NSD2: variants seen among roughly 807,000 people sequenced by gnomAD.
NSD2 encodes the protein nuclear receptor binding SET domain protein 2, also known as histone-lysine N-methyltransferase NSD2.
In NSD2, 12 loss-of-function variants were observed where a neutral mutation model predicts 139.0. The ratio of observed to expected loss-of-function variants is 0.09; its 90% CI spans 0.06 to 0.14. NSD2 has a LOEUF of 0.14. Among genes scored for constraint, NSD2 ranks in the 10% least tolerant of loss-of-function variants. The probability of loss-of-function intolerance (pLI) is 1.00; values close to 1 mark genes in which losing one functional copy is unlikely to be tolerated. For missense variants in NSD2, 1,155 were observed against 1,745.0 expected (o/e 0.66, Z 6.02); for synonymous variants, 669 against 648.7 (o/e 1.03, Z -0.48).
intron 1 of NSD2, among the ~76,000 whole-genome samples, chr4:1,889,100 T>C (rs1374526374): frequency 6.7e-6 from 1 of 148,700 alleles, no homozygotes; most frequent in Non-Finnish European, 1.5e-5. Flanking sequence ...GTTTCGCCAT[T>C]TTGGCCAGGC....
Position 1,979,502 on chromosome 4 carries a change from G to T in NSD2, c.*593G>T, listed in dbSNP as rs73202837. On this transcript the variant is annotated 3_prime_UTR_variant, in exon 22 of 22. Transcript: ENST00000508803. ...TCTTTTCCATCCTAGTGAGAAGCTG[G>T]CCCTGCAGGTGGTGGCAGCAATGGT... 13,810 of 233,118 alleles carry T rather than the reference G, an allele frequency of 0.059. 463 individuals are homozygous for T. The highest frequency in any genetic ancestry group is 0.099 in the Middle Eastern group (78 of 786). 14.4% of individuals were successfully genotyped at this position (233,118 alleles called of 1,614,324 possible).
chr4:1,882,272 C>T (rs368545003), intron 1 of NSD2, among the ~76,000 whole-genome samples: 2 of 152,146 alleles, frequency 1.3e-5, no homozygotes, highest in South Asian at 2.1e-4. Context: ...GAAAGTGACA[C>T]GTAACTTCTG....
At chr4:1,895,290 G>A (rs1299381470) in intron 1 of NSD2, among the ~76,000 whole-genome samples, 1 of 152,130 alleles carries the variant, frequency 6.6e-6, no homozygotes, top group Non-Finnish European at 1.5e-5. Context: ...TAGACAGACT[G>A]TTTTTCACCC....
intron 1 of NSD2, among the ~76,000 whole-genome samples, chr4:1,876,769 A>G (rs1714293286): frequency 6.6e-6 from 1 of 152,094 alleles, no homozygotes; most frequent in Non-Finnish European, 1.5e-5. Flanking sequence ...TTTTTCTGGA[A>G]GGAATTGGAA....
At chr4:1,894,911 T>C (rs1039166484) in intron 1 of NSD2, among the ~76,000 whole-genome samples, 5 of 152,176 alleles carry the variant, frequency 3.3e-5, no homozygotes, top group African/African-American at 1.2e-4. Flanking sequence ...CTTCTCAAAC[T>C]GAAACTCTGT....
rs538971797 is a variant in NSD2, at chr4:1,898,439, C to T, written c.-29-2187C>T. On this transcript the variant is annotated intron_variant, in intron 1 of 21. Transcript: ENST00000508803. ...CAGCACTTTGGGAGGCCAAGGCGGG[C>T]GGATCACGAAGTCAGGAGATCGAGA... is the stretch of plus-strand genomic sequence containing the variant. Among the ~76,000 whole-genome samples the T allele has an allele frequency of 7.2e-5, 11 of 152,166 alleles. No individual in the cohort carries two copies. The South Asian group carries it at 8.3e-4, about 11-fold the overall frequency.
intron 3 of NSD2, among the ~76,000 whole-genome samples, chr4:1,911,163 A>C (rs1005509383): frequency 1.1e-4 from 17 of 152,184 alleles, no homozygotes; most frequent in African/African-American, 4.1e-4. Context: ...TGATGGGGAA[A>C]AAAGGAACAC....
chr4:1,891,901 G>T (rs9999954), intron 1 of NSD2, among the ~76,000 whole-genome samples: 1 of 148,366 alleles, frequency 6.7e-6, no homozygotes, highest in South Asian at 2.2e-4. Context: ...ACGAAAAAAC[G>T]AAAAACCTCA....
rs1721211076 is a variant in NSD2 at position 1,928,383 on chromosome 4, T to A, written c.1411-2243T>A. Among the ~76,000 whole-genome samples, 4 of 152,210 alleles carry A rather than the reference T, an allele frequency of 2.6e-5. No homozygotes were observed. In the South Asian group the frequency reaches 6.2e-4, roughly 24 times the overall value. On this transcript the variant is annotated intron_variant, in intron 5 of 21. Transcript: ENST00000508803. ...TAACCTGAGCTTAAAAGTTGTAAGG[T>A]TTCAGTGAGATGATGCAGTCAGGAA...
intron 10 of NSD2, 93 bp from the exon 11 acceptor site, chr4:1,952,015 G>A (rs1724316944): frequency 2.0e-6 from 3 of 1,525,846 alleles, no homozygotes; most frequent in Middle Eastern, 1.8e-4. Context: ...GGGATTTTCT[G>A]CCACTGGAGA....
Position 1,955,908 on chromosome 4 carries a change from C to G in NSD2, c.2675+59C>G. On this transcript the variant is annotated intron_variant, in intron 14 of 21. Transcript: ENST00000508803. This position sits in a 1 kb window ranked among gnomAD's most constrained non-coding sequence, Gnocchi z 4.7. ...TTTCTGTTCACATGTGTTCGCTTTA[C>G]AGTACTTAAAGTATTGAAATTATTA... 2.5e-6 allele frequency: 4 copies of G among 1,610,028 alleles called. No homozygotes were observed. Among genetic ancestry groups the G allele is most frequent in the Middle Eastern group, 1.7e-4 (1 of 6,052 alleles).
intron 3 of NSD2, chr4:1,912,137 T>G: frequency 2.5e-6 from 1 of 396,706 alleles, no homozygotes; most frequent in Non-Finnish European, 5.0e-6. Flanking sequence ...CAAGTCAAAT[T>G]GTACTGAAAG....
intron 5 of NSD2, among the ~76,000 whole-genome samples, chr4:1,924,874 C>T (rs566946832): frequency 6.6e-6 from 1 of 152,292 alleles, no homozygotes; most frequent in East Asian, 1.9e-4. Context: ...CTGCAGTGAG[C>T]CATCATTGCG....
chr4:1,978,439 A>G (rs751396867), intron 21 of NSD2, among the ~76,000 whole-genome samples, 199 bp from the exon 22 acceptor site: 1 of 152,204 alleles, frequency 6.6e-6, no homozygotes, highest in Non-Finnish European at 1.5e-5. Flanking sequence ...GGGGCCTGGC[A>G]GGTACTGTGG....
At chr4:1,894,383 T>G (rs1370205216) in intron 1 of NSD2, among the ~76,000 whole-genome samples, 1 of 152,224 alleles carries the variant, frequency 6.6e-6, no homozygotes, top group Non-Finnish European at 1.5e-5. Context: ...TCCTTTCATC[T>G]CTGGAAAATG....
chr4:1,970,455 C>T lies in NSD2; in HGVS notation c.3373-4408C>T, dbSNP rs560096724. On this transcript the variant is annotated intron_variant, in intron 18 of 21. Coordinates refer to ENST00000508803, the MANE Select transcript of NSD2 (RefSeq NM_001042424.3). Reference sequence around the variant, plus strand: ...AGCTGCTGAGAGATGAGCTCCAGGCCTCCAGCAGAATCAGGTGAAGCTCCA... The same window carrying T: ...AGCTGCTGAGAGATGAGCTCCAGGCTTCCAGCAGAATCAGGTGAAGCTCCA... 5.8e-4 allele frequency among the ~76,000 whole-genome samples: 89 copies of T among 152,296 alleles called. No individual in the cohort carries two copies. The South Asian group carries it at 7.3e-3, about 12-fold the overall frequency.
At chr4:1,887,873 G>A (rs1164508814) in intron 1 of NSD2, among the ~76,000 whole-genome samples, 5 of 151,836 alleles carry the variant, frequency 3.3e-5, no homozygotes. Context: ...AAGCCTTTGG[G>A]ATGGTCAGTT....
chr4:1,963,362 C>G (rs956057119), intron 18 of NSD2, among the ~76,000 whole-genome samples: 2 of 152,162 alleles, frequency 1.3e-5, no homozygotes, highest in Non-Finnish European at 2.9e-5. Flanking sequence ...GTGTAGACCC[C>G]TGGGAGGGTT....
At chr4:1,872,629 A>C (rs13435794) in intron 1 of NSD2, among the ~76,000 whole-genome samples, 94 of 142,678 alleles carry the variant, frequency 6.6e-4, no homozygotes, top group African/African-American at 2.2e-3. Flanking sequence ...AGAGAGAGAG[A>C]GAGAGAGCGC....
Sources: allele counts gnomAD v4.1 joint callset (sites outside exome capture counted in the v4.1 genomes callset), GRCh38; gene constraint gnomAD v4.1.1; non-coding constraint Gnocchi (gnomAD v3.1); transcripts MANE v1.5; gene names NCBI Gene and HGNC (gene_info 2026-07-23, HGNC 2026-07-21).